The following NAALADL2 variants were observed in gnomAD, a reference collection of about 807,000 sequenced individuals.
The protein encoded by NAALADL2 is N-acetylated alpha-linked acidic dipeptidase like 2, also known as inactive N-acetylated-alpha-linked acidic dipeptidase-like protein 2.
A neutral mutation model predicts 87.2 loss-of-function variants in NAALADL2; 76 were observed. The observed-to-expected ratio is 0.87, with a 90% CI of 0.72 to 1.05. NAALADL2 has a LOEUF of 1.05. NAALADL2 is among the 50% of genes least tolerant of loss of function. The pLI is 0.00. For synonymous variants in NAALADL2, 354 were observed against 331.0 expected, an observed-to-expected ratio of 1.07 and a Z score of -0.75; for missense variants, 1,089 against 945.8, an observed-to-expected ratio of 1.15 and a Z score of -1.99.
rs34773320 is a variant in NAALADL2 at position 175,763,083 on chromosome 3, C to CAAATAAATAAATAAATAAATAAAT, written c.2189+7671_2189+7694dup. 1.1e-3 allele frequency among the ~76,000 whole-genome samples: 162 copies of CAAATAAATAAATAAATAAATAAAT among 148,810 alleles called. 1 individual carries two copies. Among genetic ancestry groups the CAAATAAATAAATAAATAAATAAAT allele is most frequent in the African/African-American group, 3.9e-3 (154 of 39,822 alleles). ...TGGGGGACACAGCAAGACTCTGACTCAAATAAATAAATAAATAAATAAATA... is the reference window on the plus strand; with the variant it reads ...TGGGGGACACAGCAAGACTCTGACTCAAATAAATAAATAAATAAATAAATAAATAAATAAATAAATAAATAAATA... On this transcript the variant is annotated intron_variant, in intron 13 of 13. Coordinates refer to ENST00000454872, the MANE Select transcript of NAALADL2 (RefSeq NM_207015.3).
At chr3:175,450,902 T>C (rs1721465345) in intron 6 of NAALADL2, among the ~76,000 whole-genome samples, 1 of 152,152 alleles carries the variant, frequency 6.6e-6, no homozygotes, top group Non-Finnish European at 1.5e-5. Context: ...AGAAACCATG[T>C]AGCTCTGGGA....
intron 5 of NAALADL2, among the ~76,000 whole-genome samples, chr3:175,345,815 G>A (rs16825488): frequency 0.016 from 2,480 of 152,238 alleles, 34 homozygotes; most frequent in African/African-American, 0.032. Context: ...GGAAATTGCT[G>A]TTGAGGCTTG....
intron 1 of NAALADL2, among the ~76,000 whole-genome samples, chr3:174,504,035 A>G (rs879311196): frequency 7.9e-5 from 12 of 152,106 alleles, no homozygotes; most frequent in Non-Finnish European, 1.6e-4. Context: ...TTAAAACAAA[A>G]TGTTACTATA....
intron 1 of NAALADL2, among the ~76,000 whole-genome samples, chr3:174,976,505 C>T (rs1316750416): frequency 6.6e-6 from 1 of 152,116 alleles, no homozygotes; most frequent in African/African-American, 2.4e-5. Context: ...ACTGAAGTAC[C>T]ACTGGTTATA....
At chr3:174,836,495 A>G (rs943961862) in intron 3 of NAALADL2, among the ~76,000 whole-genome samples, 1 of 151,940 alleles carries the variant, frequency 6.6e-6, no homozygotes. Flanking sequence ...AGGTCAGGAG[A>G]TTGAGACCAT....
chr3:174,566,566 T>A (rs1413005267), intron 2 of NAALADL2, among the ~76,000 whole-genome samples: 1 of 151,740 alleles, frequency 6.6e-6, no homozygotes, highest in Middle Eastern at 3.2e-3. Context: ...TTTTCCTTTT[T>A]TTCACACTCC....
At chr3:175,697,069 C>T (rs965180935) in intron 11 of NAALADL2, among the ~76,000 whole-genome samples, 3 of 152,084 alleles carry the variant, frequency 2.0e-5, no homozygotes, top group Non-Finnish European at 2.9e-5. Context: ...CAAATCTTAG[C>T]ACCCACTATG....
intron 1 of NAALADL2, among the ~76,000 whole-genome samples, chr3:174,541,391 C>A (rs1282369948): frequency 6.6e-6 from 1 of 151,964 alleles, no homozygotes; most frequent in Non-Finnish European, 1.5e-5. Context: ...GAATGTGTGA[C>A]AACATAGCTT....
At chr3:175,096,647 A>T (rs1219919426) in intron 1 of NAALADL2, 143 bp from the exon 2 acceptor site, 3 of 422,634 alleles carry the variant, frequency 7.1e-6, no homozygotes, top group African/African-American at 6.2e-5. Flanking sequence ...AATTAAATAA[A>T]ATATGAGTTT....
intron 5 of NAALADL2, among the ~76,000 whole-genome samples, chr3:175,367,632 G>C (rs1357561340): frequency 6.6e-6 from 1 of 152,130 alleles, no homozygotes; most frequent in Non-Finnish European, 1.5e-5. Context: ...TTGTGAATGG[G>C]AGTTCACTCA....
chr3:175,532,902 T>G (rs961943044), intron 9 of NAALADL2, among the ~76,000 whole-genome samples: 2 of 152,180 alleles, frequency 1.3e-5, no homozygotes, highest in African/African-American at 4.8e-5. Context: ...CAAGGGTATA[T>G]CTTCTGGACG....
intron 1 of NAALADL2, among the ~76,000 whole-genome samples, chr3:175,019,154 TTATGTGGAC>T (rs1385946470): frequency 2.6e-5 from 4 of 151,958 alleles, no homozygotes; most frequent in Non-Finnish European, 5.9e-5. Context: ...TTTACGTCAG[TTATGTGGAC>T]TATGCTGCTG....
chr3:174,996,303 C>T (rs1747446654), intron 1 of NAALADL2, among the ~76,000 whole-genome samples: 4 of 151,932 alleles, frequency 2.6e-5, no homozygotes, highest in Admixed American at 2.6e-4. Context: ...CGAGACCATC[C>T]TGGCTAACAC....
At chr3:175,161,769 A>G (rs967489487) in intron 2 of NAALADL2, among the ~76,000 whole-genome samples, 3 of 152,130 alleles carry the variant, frequency 2.0e-5, no homozygotes, top group African/African-American at 7.2e-5. Context: ...GTCTAATTAT[A>G]CATTATATTG....
chr3:175,562,525 TCA>T (rs1716429885), intron 9 of NAALADL2, among the ~76,000 whole-genome samples: 2 of 151,812 alleles, frequency 1.3e-5, no homozygotes, highest in Admixed American at 6.6e-5. Context: ...TGTTTTCCAA[TCA>T]CAGATTTATC....
intron 3 of NAALADL2, among the ~76,000 whole-genome samples, chr3:174,798,904 T>C (rs1718466005): frequency 6.6e-6 from 1 of 152,162 alleles, no homozygotes; most frequent in African/African-American, 2.4e-5. Flanking sequence ...GAGTGGTGGC[T>C]CACGCCTGTA....
chr3:175,034,019 T>A (rs557622060), intron 1 of NAALADL2, among the ~76,000 whole-genome samples: 1 of 152,280 alleles, frequency 6.6e-6, no homozygotes, highest in Non-Finnish European at 1.5e-5. Context: ...CTTCTCCGTT[T>A]CAGAATATCC....
intron 3 of NAALADL2, among the ~76,000 whole-genome samples, chr3:174,841,818 T>C (rs191183358): frequency 1.2e-4 from 18 of 152,320 alleles, no homozygotes; most frequent in African/African-American, 4.3e-4. Flanking sequence ...GTCATTAAAT[T>C]CCCAAATTGG....
intron 2 of NAALADL2, among the ~76,000 whole-genome samples, chr3:175,201,697 T>C (rs1229156841): frequency 6.6e-6 from 1 of 152,144 alleles, no homozygotes; most frequent in Non-Finnish European, 1.5e-5. Flanking sequence ...TAATTTCCTT[T>C]TGTATGCTTT....
Sources: allele counts gnomAD v4.1 joint callset (sites outside exome capture counted in the v4.1 genomes callset), GRCh38; gene constraint gnomAD v4.1.1; transcripts MANE v1.5; gene names NCBI Gene and HGNC (gene_info 2026-07-23, HGNC 2026-07-21).